The following P4HA3 variants were observed in gnomAD, a reference collection of about 807,000 sequenced individuals.
The protein encoded by P4HA3 is prolyl 4-hydroxylase subunit alpha 3, also known as prolyl 4-hydroxylase subunit alpha-3.
A neutral mutation model predicts 66.7 loss-of-function variants in P4HA3; 60 were observed. The ratio of observed to expected loss-of-function variants is 0.90; its 90% CI spans 0.73 to 1.12. The LOEUF (loss-of-function observed/expected upper bound fraction) is 1.12, where lower values mean the gene tolerates loss of function less well. Ranked by LOEUF, P4HA3 falls within the 50% of genes most tolerant of loss-of-function variation. P4HA3 has a pLI of 0.00. For missense variants in P4HA3, 683 were observed against 685.8 expected (o/e 1.00, Z 0.05); for synonymous variants, 263 against 274.6 (o/e 0.96, Z 0.42).
intron 4 of P4HA3, among the ~76,000 whole-genome samples, chr11:74,296,057 A>G (rs1269005436): frequency 6.6e-6 from 1 of 152,240 alleles, no homozygotes; most frequent in African/African-American, 2.4e-5. Flanking sequence ...AAGGAACATT[A>G]AATGAAAAGA....
At chr11:74,262,020 C>T (rs890790505), downstream of P4HA3, among the ~76,000 whole-genome samples, 3 of 152,164 alleles carry the variant, frequency 2.0e-5, no homozygotes. Flanking sequence ...CCTCCAGTCC[C>T]ATAACGTGAT....
At chr11:74,302,970 G>A (rs1170542137) in intron 2 of P4HA3, among the ~76,000 whole-genome samples, 1 of 144,602 alleles carries the variant, frequency 6.9e-6, no homozygotes, top group African/African-American at 2.6e-5. Context: ...TCTTTTAATA[G>A]AGATAGGATC....
At chr11:74,261,206 C>T (rs761899473) in intron 14 of P4HA3, among the ~76,000 whole-genome samples, 7 of 152,146 alleles carry the variant, frequency 4.6e-5, no homozygotes, top group Non-Finnish European at 1.0e-4. Flanking sequence ...GGGTGGTCCC[C>T]AACCCCTGCA....
intron 15 of P4HA3, chr11:74,254,013 C>T (rs1313129322): frequency 1.3e-5 from 2 of 156,924 alleles, no homozygotes; most frequent in African/African-American, 4.8e-5. Flanking sequence ...TCGTACTCTT[C>T]CAGGTTTGGA....
chr11:74,308,612 A>G (rs1861641065), intron 1 of P4HA3, among the ~76,000 whole-genome samples: 1 of 152,194 alleles, frequency 6.6e-6, no homozygotes, highest in South Asian at 2.1e-4. Context: ...AGTCTTCAAA[A>G]TATCAAACTA....
intron 9 of P4HA3, among the ~76,000 whole-genome samples, chr11:74,274,313 T>G (rs1860317654): frequency 1.3e-5 from 2 of 150,944 alleles, no homozygotes; most frequent in African/African-American, 4.9e-5. Flanking sequence ...TGTTTTTTTT[T>G]TTTTGTTTTT....
chr11:74,277,996 T>A (rs1398138706), intron 8 of P4HA3, among the ~76,000 whole-genome samples: 2 of 152,136 alleles, frequency 1.3e-5, no homozygotes, highest in East Asian at 1.9e-4. Flanking sequence ...GTTACAGAGA[T>A]CCCCAAGACA....
chr11:74,268,628 C>T (rs1361474341), intron 11 of P4HA3, among the ~76,000 whole-genome samples: 6 of 152,212 alleles, frequency 3.9e-5, no homozygotes, highest in Non-Finnish European at 4.4e-5. Context: ...ACAAAATATT[C>T]CCATACAGCC....
chr11:74,262,570 T>A (rs1394162118), downstream of P4HA3, among the ~76,000 whole-genome samples: 1 of 152,192 alleles, frequency 6.6e-6, no homozygotes, highest in Non-Finnish European at 1.5e-5. Context: ...CTCAGTGATG[T>A]CTTTTCTTTA....
At chr11:74,276,918 G>A in intron 9 of P4HA3, 67 bp downstream of exon 9, 1 of 1,474,316 alleles carries the variant, frequency 6.8e-7, no homozygotes, top group South Asian at 1.3e-5. Context: ...CAAGAGCTCT[G>A]CCTCAGAGAA....
intron 9 of P4HA3, 21 bp from the exon 10 acceptor site, chr11:74,273,628 A>G: frequency 6.5e-7 from 1 of 1,549,074 alleles, no homozygotes; most frequent in Non-Finnish European, 8.7e-7. Flanking sequence ...AAAAAACAGA[A>G]CATATTATTT....
At chr11:74,264,112 A>G (rs535176240), downstream of P4HA3, among the ~76,000 whole-genome samples, 55 of 152,292 alleles carry the variant, frequency 3.6e-4, no homozygotes, top group Admixed American at 1.9e-3. Flanking sequence ...TAGTGCAAAT[A>G]TAAGAATTAG....
chr11:74,303,477 C>T (rs940370950), intron 2 of P4HA3, among the ~76,000 whole-genome samples: 5 of 150,590 alleles, frequency 3.3e-5, no homozygotes, highest in African/African-American at 7.3e-5. Context: ...TAATAGGTTT[C>T]GCTATATTGC....
At chr11:74,268,959 C>T (rs1860092146) in intron 11 of P4HA3, among the ~76,000 whole-genome samples, 1 of 152,166 alleles carries the variant, frequency 6.6e-6, no homozygotes, top group Non-Finnish European at 1.5e-5. Flanking sequence ...TCTCTATGTT[C>T]CTAAGCCTAC....
chr11:74,288,798 A>T (rs1009541072), intron 5 of P4HA3, among the ~76,000 whole-genome samples: 1 of 151,688 alleles, frequency 6.6e-6, no homozygotes, highest in Non-Finnish European at 1.5e-5. Flanking sequence ...AAAATACAAA[A>T]ATTAGCCAGG....
chr11:74,251,855 G>A (rs773184323), intron 15 of P4HA3: 3 of 1,049,122 alleles, frequency 2.9e-6, no homozygotes, highest in Non-Finnish European at 4.5e-6. Context: ...TCAGTGAAGA[G>A]CCTGGCATGT....
downstream of P4HA3, among the ~76,000 whole-genome samples, chr11:74,262,218 C>T (rs968190554): frequency 3.3e-5 from 5 of 152,134 alleles, no homozygotes; most frequent in Admixed American, 3.3e-4. Context: ...CTCCTAGTAC[C>T]TCATTCCTTT....
downstream of P4HA3, among the ~76,000 whole-genome samples, chr11:74,266,243 A>G (rs1859989310): frequency 6.6e-6 from 1 of 151,784 alleles, no homozygotes; most frequent in African/African-American, 2.4e-5. Context: ...AATGCTGTAC[A>G]GTCATCCCTC....
chr11:74,292,657 G>T lies in P4HA3; in HGVS notation c.718-3527C>A, dbSNP rs546981597. Among the ~76,000 whole-genome samples, 3 of 152,052 alleles carry T rather than the reference G, an allele frequency of 2.0e-5. 1 individual carries two copies. Among genetic ancestry groups the T allele is most frequent in the South Asian group, 4.2e-4 (2 of 4,812 alleles). On this transcript the variant is annotated intron_variant, in intron 4 of 12. Transcript: ENST00000331597. The stretch of plus-strand genomic sequence containing the variant: ...TCTGGTATGTTGTGTCTTTGTTCTC[G>T]TTGGTTTCAAAGAACATCTTTATTT...
Sources: allele counts gnomAD v4.1 joint callset (sites outside exome capture counted in the v4.1 genomes callset), GRCh38; gene constraint gnomAD v4.1.1; transcripts MANE v1.5; gene names NCBI Gene and HGNC (gene_info 2026-07-23, HGNC 2026-07-21).